The following ZNF540 variants were observed in gnomAD, a reference collection of about 807,000 sequenced individuals.
The protein encoded by ZNF540 is zinc finger protein 540, also known as CTD-3064H18.6.
Under a neutral mutation model 11.8 loss-of-function variants are expected in ZNF540, and 3 were observed. That is an observed-to-expected ratio of 0.25 (90% confidence interval 0.12 to 0.65). ZNF540 has a LOEUF of 0.65. Ranked by LOEUF, ZNF540 falls within the 30% of genes least tolerant of loss-of-function variation. ZNF540 has a pLI of 0.83. For synonymous variants in ZNF540, 247 were observed against 259.0 expected (o/e 0.95, Z 0.45); for missense variants, 709 against 793.1 (o/e 0.89, Z 1.27).
At chr19:37,576,367 C>T (rs182532868) in intron 1 of ZNF540, among the ~76,000 whole-genome samples, 1 of 152,098 alleles carries the variant, frequency 6.6e-6, no homozygotes, top group Non-Finnish European at 1.5e-5. Context: ...GTAACACTTG[C>T]AACTATCTGC....
At chr19:37,558,801 T>C (rs745632459) in intron 1 of ZNF540, among the ~76,000 whole-genome samples, 3 of 151,722 alleles carry the variant, frequency 2.0e-5, no homozygotes, top group Non-Finnish European at 4.4e-5. Context: ...TGTGTGACTA[T>C]TGCACAACTT....
intron 1 of ZNF540, chr19:37,565,119 G>A: frequency 2.5e-6 from 4 of 1,613,198 alleles, no homozygotes; most frequent in Non-Finnish European, 3.4e-6. Context: ...ATTCTCTGAT[G>A]TTCACTAAGT....
rs931407450 is a variant in ZNF540, at chr19:37,569,127, A to AT, written c.-73+17467dup. Reference sequence around the variant, plus strand: ...ACCACCATGCCTGGCTCATTTTTGTATTTTTAGTAGAGATAGGCCTTCACC... The same window carrying AT: ...ACCACCATGCCTGGCTCATTTTTGTATTTTTTAGTAGAGATAGGCCTTCACC... On this transcript the variant is annotated intron_variant, in intron 1 of 4. Transcript: ENST00000592533. The surrounding 1 kb of genome is among the most constrained non-coding windows in gnomAD (Gnocchi z 4.4). Among the ~76,000 whole-genome samples the AT allele has an allele frequency of 1.3e-5, 2 of 151,866 alleles. No individual in the cohort carries two copies. The highest frequency in any genetic ancestry group is 4.8e-5 in the African/African-American group (2 of 41,330).
intron 4 of ZNF540, among the ~76,000 whole-genome samples, chr19:37,610,491 C>T (rs1457754975): frequency 1.3e-5 from 2 of 152,184 alleles, no homozygotes; most frequent in African/African-American, 4.8e-5. Context: ...ACATAGACTG[C>T]CTTACAGTCG....
upstream of ZNF540, chr19:37,594,721 C>G (rs936181900): frequency 6.6e-6 from 1 of 152,284 alleles, no homozygotes; most frequent in Non-Finnish European, 1.5e-5. Context: ...GAGCGGTTCC[C>G]GGTGAGGCCG....
In ZNF540 at chr19:37,569,894, G is replaced by A. The variant is rs2147161391; in HGVS notation, c.-73+18229G>A. 1 of 152,248 alleles carries A rather than the reference G, an allele frequency of 6.6e-6. No homozygotes were observed. The highest frequency in any genetic ancestry group is 2.1e-4 in the South Asian group (1 of 4,820). 9.4% of individuals were successfully genotyped at this position (152,248 alleles called of 1,614,324 possible). Reference sequence around the variant, plus strand: ...GTACCATTGCACTTCCTGAGAAGCTGTCCCCAATCCCAGGCTCCTAGCAAT... The same window carrying A: ...GTACCATTGCACTTCCTGAGAAGCTATCCCCAATCCCAGGCTCCTAGCAAT... On this transcript the variant is annotated intron_variant, in intron 1 of 4. Transcript: ENST00000592533. This position sits in a 1 kb window ranked among gnomAD's most constrained non-coding sequence, Gnocchi z 4.4.
chr19:37,571,779 T>G (rs1391588320), intron 1 of ZNF540, among the ~76,000 whole-genome samples: 1 of 152,172 alleles, frequency 6.6e-6, no homozygotes, highest in African/African-American at 2.4e-5. Context: ...AACAGAAACA[T>G]GATAAGTATG....
In ZNF540 at chr19:37,613,882, G is replaced by A. The variant is rs2044151756; in HGVS notation, c.*619G>A. On this transcript the variant is annotated 3_prime_UTR_variant, in exon 5 of 5. Coordinates refer to ENST00000316433, the MANE Select transcript of ZNF540 (RefSeq NM_001172225.3). ...AGGTAGGGCCTTTAGGAGGAAATTA[G>A]GTCATGAGGGTGGAGCCTTCATGAG... The A allele has an allele frequency of 2.5e-6, 1 of 398,436 alleles. No individual in the cohort carries two copies. The highest frequency in any genetic ancestry group is 4.4e-5 in the Admixed American group (1 of 22,708). 24.7% of individuals were successfully genotyped at this position (398,436 alleles called of 1,614,324 possible). A position where few individuals can be genotyped will look rare whatever the true frequency, so the allele number is the denominator to read the frequency against.
intron 1 of ZNF540, chr19:37,563,324 CCT>C (rs2042739523): frequency 1.3e-5 from 2 of 150,910 alleles, no homozygotes; most frequent in African/African-American, 4.9e-5. Context: ...AGAGCAAGAC[CCT>C]GTCTCAAAAA....
At chr19:37,583,818 G>C in intron 1 of ZNF540, 1 of 702,974 alleles carries the variant, frequency 1.4e-6, no homozygotes, top group South Asian at 2.0e-5. Context: ...ACAGTCTAAA[G>C]GATAAGAGAT....
At chr19:37,559,958 G>A (rs908933810) in intron 1 of ZNF540, among the ~76,000 whole-genome samples, 3 of 152,180 alleles carry the variant, frequency 2.0e-5, no homozygotes, top group African/African-American at 7.2e-5. Context: ...CAGCAGATGA[G>A]TGCAATACAA....
At chr19:37,609,991 A>G (rs1469579498) in intron 4 of ZNF540, among the ~76,000 whole-genome samples, 3 of 152,256 alleles carry the variant, frequency 2.0e-5, no homozygotes, top group Non-Finnish European at 4.4e-5. Flanking sequence ...GATTGGAAAC[A>G]TCTCTGTTTA....
At chr19:37,598,711 C>A (rs992606501) in intron 2 of ZNF540, among the ~76,000 whole-genome samples, 1 of 152,130 alleles carries the variant, frequency 6.6e-6, no homozygotes, top group African/African-American at 2.4e-5. Context: ...ACTTTACCAT[C>A]CTTTGTCAGA....
At chr19:37,561,947 G>A (rs1314050145) in intron 1 of ZNF540, among the ~76,000 whole-genome samples, 5 of 152,216 alleles carry the variant, frequency 3.3e-5, no homozygotes, top group South Asian at 2.1e-4. Context: ...TGATTATTCA[G>A]AGTTCTAATG....
chr19:37,567,234 A>T (rs2042892552), intron 1 of ZNF540, among the ~76,000 whole-genome samples: 1 of 152,248 alleles, frequency 6.6e-6, no homozygotes, highest in Admixed American at 6.5e-5. Context: ...TAATCAAAGC[A>T]AGGGCTTTGT....
chr19:37,562,421 C>T (rs1216577479), intron 1 of ZNF540: 1 of 151,954 alleles, frequency 6.6e-6, no homozygotes, highest in African/African-American at 2.4e-5. Context: ...TATTAGAAGA[C>T]AAGAGATAAC....
chr19:37,563,451 C>A (rs1568336966), intron 1 of ZNF540: 1 of 151,668 alleles, frequency 6.6e-6, no homozygotes, highest in African/African-American at 2.4e-5. Context: ...TGAGGAAAAA[C>A]TGTAGTTGGT....
At chr19:37,602,737 G>A (rs2044049458) in intron 4 of ZNF540, among the ~76,000 whole-genome samples, 1 of 152,164 alleles carries the variant, frequency 6.6e-6, no homozygotes, top group African/African-American at 2.4e-5. Flanking sequence ...AATGTTTCAA[G>A]TGGAAGGGAG....
intron 4 of ZNF540, among the ~76,000 whole-genome samples, chr19:37,604,585 G>A (rs1259252176): frequency 6.6e-6 from 1 of 151,980 alleles, no homozygotes; most frequent in Non-Finnish European, 1.5e-5. Flanking sequence ...GGGATTACAG[G>A]CATGAGCCAC....
Sources: allele counts gnomAD v4.1 joint callset (sites outside exome capture counted in the v4.1 genomes callset), GRCh38; gene constraint gnomAD v4.1.1; non-coding constraint Gnocchi (gnomAD v3.1); transcripts MANE v1.5; gene names NCBI Gene and HGNC (gene_info 2026-07-23, HGNC 2026-07-21).